Variants in HYAL4 observed in about 807,000 individuals in gnomAD.
HYAL4 encodes the protein hyaluronidase-4.
HYAL4 carries 37 observed loss-of-function variants against 35.2 expected under a neutral mutation model. The ratio of observed to expected loss-of-function variants is 1.05; its 90% confidence interval spans 0.81 to 1.38. The LOEUF (loss-of-function observed/expected upper bound fraction) is 1.38. Among genes scored for constraint, HYAL4 ranks in the 40% most tolerant of loss-of-function variants. The pLI is 0.00. For missense variants in HYAL4, 572 were observed against 572.4 expected (o/e 1.00, Z 0.01); for synonymous variants, 198 against 203.2 (o/e 0.97, Z 0.22).
At chr7:123,847,110 C>T (rs1484034916) in intron 1 of HYAL4, among the ~76,000 whole-genome samples, 7 of 152,214 alleles carry the variant, frequency 4.6e-5, no homozygotes, top group Non-Finnish European at 1.0e-4. Context: ...AGTCTCCATA[C>T]ATTGCTCTGT....
the HYAL4 span, among the ~76,000 whole-genome samples, chr7:123,799,108 T>G: frequency 1.3e-5 from 2 of 152,202 alleles, no homozygotes; most frequent in African/African-American, 2.4e-5. Context: ...GGCATCCACA[T>G]TTATCAGAGT....
the HYAL4 span, among the ~76,000 whole-genome samples, chr7:123,787,262 A>G: frequency 6.6e-6 from 1 of 152,074 alleles, no homozygotes; most frequent in South Asian, 2.1e-4. Context: ...CTGGGGCATT[A>G]TATAGTTATC....
At chr7:123,812,836 A>T in the HYAL4 span, among the ~76,000 whole-genome samples, 1 of 152,114 alleles carries the variant, frequency 6.6e-6, no homozygotes, top group Non-Finnish European at 1.5e-5. Context: ...GGGGAGTGGG[A>T]GTCAAATTAA....
chr7:123,782,831 T>G, the HYAL4 span, among the ~76,000 whole-genome samples: 1 of 152,172 alleles, frequency 6.6e-6, no homozygotes, highest in Non-Finnish European at 1.5e-5. Flanking sequence ...ATTTCCTAAA[T>G]TTATTTCATT....
At chr7:123,812,286 ATATTT>A in the HYAL4 span, among the ~76,000 whole-genome samples, 1,742 of 152,304 alleles carry the variant, frequency 0.011, 30 homozygotes, top group African/African-American at 0.04. Context: ...ATTAGTATAT[ATATTT>A]TATAAGTGGA....
the HYAL4 span, among the ~76,000 whole-genome samples, chr7:123,823,189 T>C: frequency 6.6e-6 from 1 of 152,208 alleles, no homozygotes; most frequent in Admixed American, 6.5e-5. Flanking sequence ...AAGTGCTTTT[T>C]CTGCTTCTAG....
chr7:123,876,839 G>A lies in HYAL4; in HGVS notation c.1130G>A (p.Ser377Asn). Residue 377 changes from serine (S) to asparagine (N), a missense_variant, in exon 5 of 5, where the codon AGC becomes AAC. Transcript: ENST00000223026. ...ANVTRAAEVCSLHLCRNNGRC... is the reference protein window; with the variant it reads ...ANVTRAAEVCNLHLCRNNGRC... ...GTGACCAGAGCTGCTGAGGTATGCA[G>A]CCTTCACCTCTGCAGGAACAATGGC... 6.2e-7 allele frequency: 1 copy of A among 1,614,166 alleles called. No homozygotes were observed. Among genetic ancestry groups the A allele is most frequent in the Non-Finnish European group, 8.5e-7 (1 of 1,180,008 alleles).
At chr7:123,815,869 G>A in the HYAL4 span, among the ~76,000 whole-genome samples, 7 of 152,148 alleles carry the variant, frequency 4.6e-5, no homozygotes, top group Admixed American at 3.3e-4. Context: ...TTAGGTTTGA[G>A]ATAAGGCCAT....
At chr7:123,835,217 T>A (rs994239731) in intron 1 of HYAL4, among the ~76,000 whole-genome samples, 1 of 149,360 alleles carries the variant, frequency 6.7e-6, no homozygotes, top group African/African-American at 2.5e-5. Flanking sequence ...CCTGGACTTT[T>A]TCATTGGTAA....
At chr7:123,807,636 T>C in the HYAL4 span, among the ~76,000 whole-genome samples, 1 of 151,878 alleles carries the variant, frequency 6.6e-6, no homozygotes, top group Non-Finnish European at 1.5e-5. Context: ...AGATAGGTTT[T>C]CACCATGTTG....
intron 3 of HYAL4, among the ~76,000 whole-genome samples, chr7:123,871,704 A>G (rs1227807438): frequency 6.6e-6 from 1 of 152,220 alleles, no homozygotes. Context: ...AAAATGGGAC[A>G]ATATTACCTG....
At chr7:123,869,262 C>T in intron 3 of HYAL4, 35 bp downstream of exon 3, 1 of 1,319,540 alleles carries the variant, frequency 7.6e-7, no homozygotes, top group South Asian at 1.4e-5. Context: ...GGGGGATTTC[C>T]TCCTTATCTC....
intron 2 of HYAL4, among the ~76,000 whole-genome samples, chr7:123,865,965 A>C (rs1584924099): frequency 6.6e-6 from 1 of 152,132 alleles, no homozygotes; most frequent in East Asian, 1.9e-4. Context: ...TGCTCAGGGG[A>C]ACCACCCTTT....
intron 1 of HYAL4, among the ~76,000 whole-genome samples, chr7:123,839,763 G>T (rs547350204): frequency 6.6e-6 from 1 of 152,132 alleles, no homozygotes; most frequent in African/African-American, 2.4e-5. Context: ...TCATGTGTCT[G>T]ATGGCTGCAT....
At chr7:123,847,824 C>T (rs1806208254) in intron 1 of HYAL4, among the ~76,000 whole-genome samples, 1 of 152,220 alleles carries the variant, frequency 6.6e-6, no homozygotes, top group South Asian at 2.1e-4. Context: ...AAGCACTTGA[C>T]CCCCTTTTTT....
At chr7:123,839,755 A>G (rs562836737) in intron 1 of HYAL4, among the ~76,000 whole-genome samples, 1 of 152,214 alleles carries the variant, frequency 6.6e-6, no homozygotes, top group Non-Finnish European at 1.5e-5. Context: ...GAACTTTTTC[A>G]TGTGTCTGAT....
upstream of HYAL4, among the ~76,000 whole-genome samples, chr7:123,826,246 G>A (rs1220124371): frequency 3.3e-5 from 5 of 152,076 alleles, no homozygotes; most frequent in Non-Finnish European, 7.4e-5. Context: ...GAAATGCACT[G>A]ATTCAATGCA....
At chr7:123,787,739 T>C in the HYAL4 span, among the ~76,000 whole-genome samples, 1 of 152,132 alleles carries the variant, frequency 6.6e-6, no homozygotes, top group East Asian at 1.9e-4. Context: ...TTTAATTTTG[T>C]CCCTAAGAGT....
Position 123,837,560 on chromosome 7 carries a change from T to C in HYAL4, c.-256-6685T>C, listed in dbSNP as rs575793694. Among the ~76,000 whole-genome samples, 17 of 152,198 alleles carry C rather than the reference T, an allele frequency of 1.1e-4. No individual in the cohort carries two copies. The Middle Eastern group carries it at 0.01, about 91-fold the overall frequency. On this transcript the variant is annotated intron_variant, in intron 1 of 4. Coordinates refer to the HYAL4 transcript ENST00000489978. The stretch of plus-strand genomic sequence containing the variant: ...TTAAATTATACTTTAAGTTTTAGGG[T>C]ACATGTGCACAACGTGCAAATTAGT...
Sources: gnomAD v4.1 joint callset for allele counts (sites outside exome capture counted in the v4.1 genomes callset) on GRCh38, gnomAD v4.1.1 for gene constraint, MANE v1.5 for transcripts, NCBI Gene and HGNC (gene_info 2026-07-23, HGNC 2026-07-21) for gene names.